EPB41: variants seen among roughly 807,000 people sequenced by gnomAD.
EPB41 encodes erythrocyte membrane protein band 4.1.
EPB41 carries 65 observed loss-of-function variants against 108.0 expected under a neutral mutation model. The ratio of observed to expected loss-of-function variants is 0.60; its 90% CI spans 0.49 to 0.74. EPB41 has a LOEUF of 0.74. EPB41 is among the 30% of genes least tolerant of loss of function. The pLI is 0.00. For missense variants in EPB41, 875 were observed against 1,037.0 expected (o/e 0.84, Z 2.15); for synonymous variants, 336 against 358.9 (o/e 0.94, Z 0.72).
rs57558766 is a variant in EPB41 at position 28,963,344 on chromosome 1, CGTGTGTGT to C, written c.-7-24056_-7-24049del. On this transcript the variant is annotated intron_variant, in intron 1 of 20. Coordinates refer to ENST00000343067, the MANE Select transcript of EPB41 (RefSeq NM_001376013.1). Reference sequence around the variant, plus strand: ...AAGCTACATTCAGTAAAATCAGAATCGTGTGTGTGTGTGTGTGTGTGTGTGTGTGTGTG... The same window carrying C: ...AAGCTACATTCAGTAAAATCAGAATCGTGTGTGTGTGTGTGTGTGTGTGTG... Among the ~76,000 whole-genome samples, 315 of 146,302 alleles carry C rather than the reference CGTGTGTGT, an allele frequency of 2.2e-3. 1 individual carries two copies. Among genetic ancestry groups the C allele is most frequent in the African/African-American group, 3.5e-3 (138 of 39,564 alleles).
At chr1:29,078,688 C>G (rs1222304752) in intron 16 of EPB41, among the ~76,000 whole-genome samples, 1 of 152,104 alleles carries the variant, frequency 6.6e-6, no homozygotes, top group African/African-American at 2.4e-5. Context: ...TTTGAGGTTG[C>G]ACTGAGCTAT....
At position 29,117,370 on chromosome 1, in the gene EPB41, G is replaced by A. The variant is rs1671183780; in HGVS notation, c.*558G>A. 6.5e-6 allele frequency: 1 copy of A among 152,712 alleles called. No individual in the cohort carries two copies. The highest frequency in any genetic ancestry group is 2.4e-5 in the African/African-American group (1 of 41,466). 9.5% of individuals were successfully genotyped at this position (152,712 alleles called of 1,614,324 possible). On this transcript the variant is annotated 3_prime_UTR_variant, in exon 21 of 21. Coordinates refer to ENST00000343067, the MANE Select transcript of EPB41 (RefSeq NM_001376013.1). ...AGCCCTGATCCACAGACCTCGGAAAGATGCCCCTGTTCCTTTGTTGCGGGT... is the reference window on the plus strand; with the variant it reads ...AGCCCTGATCCACAGACCTCGGAAAAATGCCCCTGTTCCTTTGTTGCGGGT...
chr1:28,992,581 CAGGAGGCCCAGGCAG>C (rs2096054496), intron 2 of EPB41, among the ~76,000 whole-genome samples: 1 of 152,114 alleles, frequency 6.6e-6, no homozygotes, highest in African/African-American at 2.4e-5. Flanking sequence ...CCCAGCTATT[CAGGAGGCCCAGGCAG>C]GAGAATCGCT....
At chr1:28,940,078 G>T (rs2094211420) in intron 1 of EPB41, among the ~76,000 whole-genome samples, 1 of 152,130 alleles carries the variant, frequency 6.6e-6, no homozygotes. Context: ...GGCTTGAGAA[G>T]GCTGGTCCTC....
chr1:28,909,495 A>G (rs180869318), intron 1 of EPB41, among the ~76,000 whole-genome samples: 3 of 151,734 alleles, frequency 2.0e-5, no homozygotes, highest in Non-Finnish European at 2.9e-5. Context: ...TAATAAAATA[A>G]ATAAAAAAAT....
intron 11 of EPB41, among the ~76,000 whole-genome samples, chr1:29,039,755 A>C (rs993975471): frequency 3.2e-4 from 49 of 152,166 alleles, no homozygotes; most frequent in African/African-American, 1.2e-3. Context: ...TAGAGGTTGT[A>C]GTGAGCCGAG....
rs148263481 is a variant in EPB41 at position 28,955,190 on chromosome 1, T to C, written c.-7-32241T>C. Reference sequence around the variant, plus strand: ...ATGCAAGTACACAGGCCAGTTACAATGGGTATTTGTACAAGAACTAAGGAA... The same window carrying C: ...ATGCAAGTACACAGGCCAGTTACAACGGGTATTTGTACAAGAACTAAGGAA... On this transcript the variant is annotated intron_variant, in intron 1 of 20. Coordinates refer to ENST00000343067, the MANE Select transcript of EPB41 (RefSeq NM_001376013.1). 9.4e-4 allele frequency among the ~76,000 whole-genome samples: 143 copies of C among 152,328 alleles called. 4 individuals are homozygous for C. In the East Asian group the frequency reaches 0.023, roughly 24 times the overall value.
In EPB41 at chr1:29,018,247, GGCAGGACATAGTT is replaced by G; in HGVS notation, c.937_949del (p.Ile313ValfsTer9). ...AGATATTATTTATGTCTTCAGCTTC[GGCAGGACATAGTT>G]GCAGGACGTCTGCCCTGTTCCTTTG... On this transcript the variant is annotated frameshift_variant, in exon 7 of 21. Coordinates refer to ENST00000343067, the MANE Select transcript of EPB41 (RefSeq NM_001376013.1). LOFTEE classifies it high-confidence loss of function. The surrounding 1 kb of genome is among the most constrained non-coding windows in gnomAD (Gnocchi z 4.4). 1 of 1,613,402 alleles carries G rather than the reference GGCAGGACATAGTT, an allele frequency of 6.2e-7. No homozygotes were observed. The highest frequency in any genetic ancestry group is 8.5e-7 in the Non-Finnish European group (1 of 1,179,928).
chr1:28,980,820 A>G (rs1277220493), intron 1 of EPB41, among the ~76,000 whole-genome samples: 11 of 127,212 alleles, frequency 8.6e-5, no homozygotes, highest in South Asian at 2.8e-4. Flanking sequence ...TTTTTGAGAT[A>G]GAGTCTCACT....
chr1:29,086,942 T>TTTTTTC (rs1259479390), intron 16 of EPB41, among the ~76,000 whole-genome samples: 3 of 137,662 alleles, frequency 2.2e-5, no homozygotes, highest in African/African-American at 8.5e-5. Flanking sequence ...CTGTGGTTCT[T>TTTTTTC]TTTTTTTTTT....
At position 28,905,030 on chromosome 1, in the gene EPB41, C is replaced by CAAAAAAAAAAAA. The variant is rs1221262969; in HGVS notation, c.-8+17828_-8+17839dup. On this transcript the variant is annotated intron_variant, in intron 1 of 16. Transcript: ENST00000347529. ...TGGGCGACAGAACGAGACTCTGTCTCAAAAAAAAAAAAAAAAAAATTAGCC... is the reference window on the plus strand; with the variant it reads ...TGGGCGACAGAACGAGACTCTGTCTCAAAAAAAAAAAAAAAAAAAAAAAAAAAAAAATTAGCC... Among the ~76,000 whole-genome samples, 14 of 72,350 alleles carry CAAAAAAAAAAAA rather than the reference C, an allele frequency of 1.9e-4. 1 individual carries two copies. Among genetic ancestry groups the CAAAAAAAAAAAA allele is most frequent in the African/African-American group, 7.0e-4 (12 of 17,144 alleles). 47.5% of individuals were successfully genotyped at this position (72,350 alleles called of 152,430 possible).
chr1:29,006,337 C>T (rs1233383414), intron 4 of EPB41, among the ~76,000 whole-genome samples: 5 of 150,750 alleles, frequency 3.3e-5, no homozygotes, highest in African/African-American at 4.9e-5. Context: ...CCCGGGTTCA[C>T]GCCATTCTCC....
intron 16 of EPB41, chr1:29,069,109 A>G: frequency 8.4e-7 from 1 of 1,194,270 alleles, no homozygotes; most frequent in Non-Finnish European, 1.0e-6. Flanking sequence ...ATTTTCTTTC[A>G]AAAATCATCA....
rs146235341 is a variant in EPB41, at chr1:29,119,307, T to C, written c.*2495T>C. ...TTCTGCAGTTGTGTGTATGTGTGTT[T>C]GTGTGAAGAAAAACAGACTCTGTCC... is the stretch of plus-strand genomic sequence containing the variant. On this transcript the variant is annotated 3_prime_UTR_variant, in exon 21 of 21. Transcript: ENST00000343067. The C allele has an allele frequency of 1.3e-5, 2 of 152,700 alleles. No individual in the cohort carries two copies. Among genetic ancestry groups the C allele is most frequent in the African/African-American group, 4.8e-5 (2 of 41,530 alleles). The allele number at this position is 152,700 out of a possible 1,614,324, so 9.5% of individuals were successfully genotyped here.
At chr1:29,081,329 T>G (rs1394410310) in intron 16 of EPB41, among the ~76,000 whole-genome samples, 2 of 152,162 alleles carry the variant, frequency 1.3e-5, no homozygotes, top group Non-Finnish European at 2.9e-5. Flanking sequence ...ACTGTACAAA[T>G]TTGTAGTTAA....
At chr1:29,002,769 T>G (rs886657984) in intron 4 of EPB41, among the ~76,000 whole-genome samples, 3 of 152,202 alleles carry the variant, frequency 2.0e-5, no homozygotes, top group African/African-American at 7.2e-5. Context: ...TTCTACAAAA[T>G]AGAATGAGGG....
intron 10 of EPB41, among the ~76,000 whole-genome samples, chr1:29,038,889 C>T (rs1640485376): frequency 6.6e-6 from 1 of 152,160 alleles, no homozygotes; most frequent in South Asian, 2.1e-4. Context: ...TTGTTACTGC[C>T]CAATGTCCTA....
intron 15 of EPB41, among the ~76,000 whole-genome samples, chr1:29,061,356 G>A (rs1305892776): frequency 3.3e-5 from 5 of 151,916 alleles, no homozygotes; most frequent in South Asian, 2.1e-4. Flanking sequence ...TGCAAGCTCC[G>A]CTTCCCGGGT....
chr1:28,957,205 C>G (rs1443822276), intron 1 of EPB41, among the ~76,000 whole-genome samples: 1 of 152,174 alleles, frequency 6.6e-6, no homozygotes, highest in Non-Finnish European at 1.5e-5. Flanking sequence ...TAGTAAAATC[C>G]TTTTTCATGA....
Sources: allele counts gnomAD v4.1 joint callset (sites outside exome capture counted in the v4.1 genomes callset), GRCh38; gene constraint gnomAD v4.1.1; non-coding constraint Gnocchi (gnomAD v3.1); transcripts MANE v1.5; gene names NCBI Gene and HGNC (gene_info 2026-07-23, HGNC 2026-07-21).